PCDHGA5: variants seen among roughly 807,000 people sequenced by gnomAD.
PCDHGA5 encodes protocadherin gamma-A5.
In PCDHGA5, 36 loss-of-function variants were observed where a neutral mutation model predicts 56.7. The observed-to-expected ratio is 0.64, with a 90% CI of 0.49 to 0.84. PCDHGA5 has a LOEUF of 0.84. Among genes scored for constraint, PCDHGA5 ranks in the 40% least tolerant of loss-of-function variants. The pLI, the probability that PCDHGA5 is intolerant of heterozygous loss-of-function variation, is 0.00. For synonymous variants in PCDHGA5, 563 were observed against 520.2 expected, an observed-to-expected ratio of 1.08 and a Z score of -1.12; for missense variants, 1,305 against 1,201.5, an observed-to-expected ratio of 1.09 and a Z score of -1.27.
intron 1 of PCDHGA5, among the ~76,000 whole-genome samples, chr5:141,438,835 A>T (rs1591550617): frequency 6.7e-6 from 1 of 149,784 alleles, no homozygotes; most frequent in African/African-American, 2.5e-5. Flanking sequence ...CTAATTTTTT[A>T]AAATATTTTT....
At position 141,366,300 on chromosome 5, in the gene PCDHGA5, C is replaced by T. The variant is rs761287216; in HGVS notation, c.1970C>T (p.Thr657Ile). ...EDHGQPPLSATFTVTVAVADR... is the reference protein window; with the variant it reads ...EDHGQPPLSAIFTVTVAVADR... ...CATGGCCAGCCCCCTCTGTCAGCCA[C>T]CTTCACGGTCACCGTTGCCGTGGCC... The change falls in exon 1 of 4, where the codon ACC becomes ATC. Residue 657 changes from threonine to isoleucine, a missense_variant. Transcript: ENST00000518069. 5.0e-6 allele frequency: 8 copies of T among 1,613,654 alleles called. No individual in the cohort carries two copies. The highest frequency in any genetic ancestry group is 6.8e-6 in the Non-Finnish European group (8 of 1,180,002).
intron 1 of PCDHGA5, chr5:141,373,843 C>T (rs1769882527): frequency 2.3e-6 from 1 of 442,614 alleles, no homozygotes; most frequent in Non-Finnish European, 4.0e-6. Flanking sequence ...AGTTAGGACT[C>T]TAAGCGTCGC....
At chr5:141,422,153 AT>A (rs750082013) in intron 1 of PCDHGA5, 4 of 1,575,250 alleles carry the variant, frequency 2.5e-6, no homozygotes, top group Non-Finnish European at 3.4e-6. Context: ...GGGTCTCTGG[AT>A]TTTGAAAAAT....
intron 1 of PCDHGA5, among the ~76,000 whole-genome samples, chr5:141,447,895 G>A (rs931589569): frequency 1.3e-5 from 2 of 152,068 alleles, no homozygotes; most frequent in Non-Finnish European, 2.9e-5. Context: ...AGACCAGCCT[G>A]GCCAACATGG....
In PCDHGA5 at chr5:141,486,128, G is replaced by C. The variant is rs1447222839; in HGVS notation, c.2422-8679G>C. ...TGAGAGTGAGAATTACTATGAATTT[G>C]ATGTGCGGGCTCGCGATGGGGGTTC... is the stretch of plus-strand genomic sequence containing the variant. On this transcript the variant is annotated intron_variant, in intron 1 of 3. Transcript: ENST00000518069. This position sits in a 1 kb window ranked among gnomAD's most constrained non-coding sequence, Gnocchi z 5.0. 6.2e-7 allele frequency: 1 copy of C among 1,614,066 alleles called. No homozygotes were observed. Among genetic ancestry groups the C allele is most frequent in the Non-Finnish European group, 8.5e-7 (1 of 1,180,034 alleles).
At chr5:141,460,977 G>A in intron 1 of PCDHGA5, among the ~76,000 whole-genome samples, 1 of 131,518 alleles carries the variant, frequency 7.6e-6, no homozygotes, top group African/African-American at 3.4e-5. Context: ...GTGTGTGTGT[G>A]TGTGTGTATA....
chr5:141,376,977 G>T (rs529935042), intron 1 of PCDHGA5: 1 of 157,454 alleles, frequency 6.4e-6, no homozygotes, highest in Admixed American at 6.2e-5. Flanking sequence ...GTGAGCCACC[G>T]CGCCCGGCCG....
intron 1 of PCDHGA5, among the ~76,000 whole-genome samples, chr5:141,454,209 T>A (rs2098783885): frequency 6.6e-6 from 1 of 152,088 alleles, no homozygotes; most frequent in South Asian, 2.1e-4. Flanking sequence ...TTTATTGACA[T>A]GAATGAGAAA....
intron 1 of PCDHGA5, chr5:141,441,078 G>T (rs1443239760): frequency 2.0e-5 from 3 of 152,140 alleles, no homozygotes; most frequent in Non-Finnish European, 4.4e-5. Context: ...CCATGGTTTT[G>T]GTAGCAAGTG....
chr5:141,409,022 A>G (rs1258261622), intron 1 of PCDHGA5: 1 of 1,614,046 alleles, frequency 6.2e-7, no homozygotes, highest in Non-Finnish European at 8.5e-7. Flanking sequence ...TGAGGGGGTC[A>G]ATGCTGAGAT....
chr5:141,414,870 G>A (rs1325555474), intron 1 of PCDHGA5: 1 of 1,614,224 alleles, frequency 6.2e-7, no homozygotes, highest in Non-Finnish European at 8.5e-7. Context: ...ATGCGCCCGA[G>A]ATCCTGTACC....
chr5:141,475,821 G>T, intron 1 of PCDHGA5: 1 of 352,534 alleles, frequency 2.8e-6, no homozygotes, highest in Non-Finnish European at 5.1e-6. Context: ...AGTTCCTGGC[G>T]CTAGCGCGTG....
At position 141,394,582 on chromosome 5, in the gene PCDHGA5, A is replaced by C. The variant is rs1459158771; in HGVS notation, c.2421+27831A>C. The C allele has an allele frequency of 2.5e-6, 4 of 1,613,598 alleles. No individual in the cohort carries two copies. In the African/African-American group the frequency reaches 4.0e-5, roughly 16 times the overall value. ...GCAGAGCGTGGCTACCTGGTGACCA[A>C]GGTGGTGGCGGTGGACAGAGACTCG... On this transcript the variant is annotated intron_variant, in intron 1 of 3. Coordinates refer to ENST00000518069, the MANE Select transcript of PCDHGA5 (RefSeq NM_018918.3).
rs1588613200 is a variant in PCDHGA5, at chr5:141,365,428, C to A, written c.1098C>A (p.Ile366=). ...AAGACTGTCTTCCCGGAACTGTAAT[C>A]GCGCTGTTTAGCGTACATGATGGTG... ...ISEDCLPGTV[I]ALFSVHDGDS... The change falls in exon 1 of 4, where the codon ATC becomes ATA. Residue 366 remains isoleucine (I), a synonymous_variant. Coordinates refer to ENST00000518069, the MANE Select transcript of PCDHGA5 (RefSeq NM_018918.3). 6.2e-7 allele frequency: 1 copy of A among 1,613,992 alleles called. No individual in the cohort carries two copies. Among genetic ancestry groups the A allele is most frequent in the Non-Finnish European group, 8.5e-7 (1 of 1,179,900 alleles).
intron 1 of PCDHGA5, chr5:141,417,591 C>T (rs1287721863): frequency 2.1e-6 from 1 of 484,478 alleles, no homozygotes; most frequent in East Asian, 3.4e-5. Context: ...CACAGAGCCT[C>T]TGGGCGCCGC....
intron 1 of PCDHGA5, among the ~76,000 whole-genome samples, chr5:141,474,280 C>A (rs1490512371): frequency 6.6e-6 from 1 of 152,136 alleles, no homozygotes; most frequent in African/African-American, 2.4e-5. Context: ...CTCTGAATAA[C>A]CCACTAGATC....
chr5:141,394,020 AG>A (rs745548616), intron 1 of PCDHGA5: 1 of 1,613,544 alleles, frequency 6.2e-7, no homozygotes, highest in Non-Finnish European at 8.5e-7. Flanking sequence ...TAATTATTAT[AG>A]ATTAGTGACA....
intron 1 of PCDHGA5, chr5:141,393,975 G>C (rs2092889131): frequency 6.2e-7 from 1 of 1,613,680 alleles, no homozygotes; most frequent in Admixed American, 1.7e-5. Context: ...TTACACACGT[G>C]ATAATTTACC....
chr5:141,511,048 C>G lies in PCDHGA5; in HGVS notation c.2671C>G (p.Arg891Gly). The G allele has an allele frequency of 6.2e-7, 1 of 1,614,224 alleles. No homozygotes were observed. Among genetic ancestry groups the G allele is most frequent in the Non-Finnish European group, 8.5e-7 (1 of 1,180,028 alleles). ...QFTLQHVPDYRQNVYIPGSNA... is the reference protein window; with the variant it reads ...QFTLQHVPDYGQNVYIPGSNA... ...CACCCTGCAGCACGTGCCCGACTAC[C>G]GCCAGAATGTCTACATCCCAGGCAG... Residue 891 changes from arginine (R) to glycine (G), a missense_variant, in exon 4 of 4, where the codon CGC becomes GGC. Arg to Gly is a moderately radical substitution (Grantham distance 125, BLOSUM62 -2). Transcript: ENST00000518069.
Sources: gnomAD v4.1 joint callset for allele counts (sites outside exome capture counted in the v4.1 genomes callset) on GRCh38, gnomAD v4.1.1 for gene constraint, Gnocchi (gnomAD v3.1) non-coding constraint, MANE v1.5 for transcripts, NCBI Gene and HGNC (gene_info 2026-07-23, HGNC 2026-07-21) for gene names.